Variants in FHIT observed in about 807,000 individuals in gnomAD.
The protein encoded by FHIT is bis(5'-adenosyl)-triphosphatase.
In FHIT, 19 loss-of-function variants were observed where a neutral mutation model predicts 17.9. The observed-to-expected ratio is 1.06, with a 90% CI of 0.74 to 1.56. The LOEUF (loss-of-function observed/expected upper bound fraction) is 1.56, where lower values mean the gene tolerates loss of function less well. Ranked by LOEUF, FHIT falls within the 40% of genes most tolerant of loss-of-function variation. The probability of loss-of-function intolerance (pLI) is 0.00; values close to 1 mark genes in which losing one functional copy is unlikely to be tolerated. For synonymous variants in FHIT, 81 were observed against 69.7 expected, an observed-to-expected ratio of 1.16 and a Z score of -0.81; for missense variants, 248 against 189.2, an observed-to-expected ratio of 1.31 and a Z score of -1.82.
intron 5 of FHIT, among the ~76,000 whole-genome samples, chr3:60,354,410 T>G (rs1458817737): frequency 6.6e-6 from 1 of 152,056 alleles, no homozygotes; most frequent in African/African-American, 2.4e-5. Context: ...TATACCCTGC[T>G]AAAAACAGAC....
chr3:61,170,394 C>G (rs2037968582), intron 2 of FHIT, among the ~76,000 whole-genome samples: 1 of 152,014 alleles, frequency 6.6e-6, no homozygotes, highest in African/African-American at 2.4e-5. Context: ...TTTATTTTAA[C>G]TTCAGGGGTA....
intron 3 of FHIT, among the ~76,000 whole-genome samples, chr3:61,014,807 A>AAAAAAATATAT (rs1553798839): frequency 3.5e-4 from 17 of 49,102 alleles, no homozygotes; most frequent in African/African-American, 7.6e-4. Flanking sequence ...AAAAAAAAAA[A>AAAAAAATATAT]ATATATATAT....
chr3:60,386,279 C>A (rs1438852139), intron 5 of FHIT, among the ~76,000 whole-genome samples: 15 of 152,118 alleles, frequency 9.9e-5, no homozygotes, highest in Admixed American at 9.8e-4. Context: ...AGCCAGAGAT[C>A]CTATGAGCCG....
chr3:60,476,261 A>G (rs9868373), intron 5 of FHIT, among the ~76,000 whole-genome samples: 45,084 of 152,076 alleles, frequency 0.3, 7,236 homozygotes, highest in East Asian at 0.53. Flanking sequence ...TAATGTGTCA[A>G]AAGTACCACA....
chr3:60,333,848 A>G lies in FHIT; in HGVS notation c.103+203012T>C, dbSNP rs143442710. The stretch of plus-strand genomic sequence containing the variant: ...GAGCTGAAACTCACCAGATTACTGT[A>G]TTTGGACAATGAGATGTCAGATCCC... On this transcript the variant is annotated intron_variant, in intron 5 of 9. Coordinates refer to ENST00000492590, the MANE Select transcript of FHIT (RefSeq NM_002012.4). 4.3e-3 allele frequency among the ~76,000 whole-genome samples: 657 copies of G among 152,322 alleles called. 1 individual carries two copies. The highest frequency in any genetic ancestry group is 0.015 in the African/African-American group (614 of 41,572).
intron 4 of FHIT, among the ~76,000 whole-genome samples, chr3:60,751,409 A>G (rs1050719770): frequency 9.2e-5 from 14 of 152,352 alleles, no homozygotes; most frequent in African/African-American, 3.4e-4. Flanking sequence ...TGAGAATCAC[A>G]TATATCCAGT....
chr3:60,586,134 T>C (rs1214221823), intron 4 of FHIT, among the ~76,000 whole-genome samples: 1 of 151,922 alleles, frequency 6.6e-6, no homozygotes, highest in African/African-American at 2.4e-5. Flanking sequence ...GGAAATCATC[T>C]GAGATCCCTC....
intron 1 of FHIT, among the ~76,000 whole-genome samples, chr3:61,225,999 G>A (rs975329425): frequency 5.3e-5 from 8 of 152,122 alleles, no homozygotes; most frequent in African/African-American, 1.9e-4. Context: ...TATTTCTTCT[G>A]ATACAAAACT....
chr3:60,027,313 A>G (rs1319278871), intron 5 of FHIT, among the ~76,000 whole-genome samples: 3 of 152,196 alleles, frequency 2.0e-5, no homozygotes. Context: ...CAATTCTGCA[A>G]CAGTTTCACA....
chr3:60,486,522 C>T (rs944796929), intron 5 of FHIT, among the ~76,000 whole-genome samples: 3 of 152,208 alleles, frequency 2.0e-5, no homozygotes, highest in South Asian at 4.1e-4. Flanking sequence ...CCAAAGGGGC[C>T]TGACAGGTTA....
chr3:60,096,414 C>G (rs191750857), intron 5 of FHIT, among the ~76,000 whole-genome samples: 49 of 152,226 alleles, frequency 3.2e-4, no homozygotes, highest in African/African-American at 1.1e-3. Context: ...GGTTCAACGG[C>G]ATTATTCAGA....
chr3:60,731,748 G>C (rs942121102), intron 4 of FHIT, among the ~76,000 whole-genome samples: 1 of 152,116 alleles, frequency 6.6e-6, no homozygotes, highest in Non-Finnish European at 1.5e-5. Context: ...TCTTCTGTCT[G>C]TTGGGAGACT....
chr3:60,495,726 C>T (rs2197751), intron 5 of FHIT, among the ~76,000 whole-genome samples: 67,973 of 151,620 alleles, frequency 0.45, 15,809 homozygotes, highest in East Asian at 0.8. Flanking sequence ...TTTGACAAGA[C>T]GGAAAAAAAT....
At chr3:60,567,034 C>T (rs1318182291) in intron 4 of FHIT, among the ~76,000 whole-genome samples, 1 of 147,472 alleles carries the variant, frequency 6.8e-6, no homozygotes, top group African/African-American at 2.5e-5. Context: ...GCCATACTGC[C>T]CAAGGTAATT....
chr3:60,016,046 T>G (rs1559551388), intron 5 of FHIT, among the ~76,000 whole-genome samples: 1 of 152,212 alleles, frequency 6.6e-6, no homozygotes, highest in Admixed American at 6.5e-5. Flanking sequence ...TTGGAGCCTC[T>G]TAGGCCTTGT....
At chr3:60,300,422 A>C (rs1708408869) in intron 5 of FHIT, among the ~76,000 whole-genome samples, 1 of 152,156 alleles carries the variant, frequency 6.6e-6, no homozygotes, top group South Asian at 2.1e-4. Flanking sequence ...GATTAGAGTC[A>C]AAAGACTCAA....
intron 5 of FHIT, among the ~76,000 whole-genome samples, chr3:60,303,528 C>T (rs370066565): frequency 1.1e-4 from 16 of 152,304 alleles, no homozygotes; most frequent in African/African-American, 3.8e-4. Flanking sequence ...AAGACCATTT[C>T]CAGAGCCTTC....
At chr3:59,908,692 G>C (rs1704699668) in intron 8 of FHIT, among the ~76,000 whole-genome samples, 1 of 151,970 alleles carries the variant, frequency 6.6e-6, no homozygotes, top group Non-Finnish European at 1.5e-5. Context: ...TGAATTGAGA[G>C]ATTATAAGCC....
chr3:59,834,835 A>G (rs1482690233), intron 8 of FHIT, among the ~76,000 whole-genome samples: 2 of 152,252 alleles, frequency 1.3e-5, no homozygotes, highest in Non-Finnish European at 2.9e-5. Flanking sequence ...ATATCAATGC[A>G]TAAGTCTATA....
Sources: gnomAD v4.1 joint callset for allele counts (sites outside exome capture counted in the v4.1 genomes callset) on GRCh38, gnomAD v4.1.1 for gene constraint, MANE v1.5 for transcripts, NCBI Gene and HGNC (gene_info 2026-07-23, HGNC 2026-07-21) for gene names.